Variants in SGCA observed in about 807,000 individuals in gnomAD.
The protein encoded by SGCA is alpha-sarcoglycan.
Under a neutral mutation model 38.1 loss-of-function variants are expected in SGCA, and 34 were observed. The observed-to-expected ratio is 0.89, with a 90% confidence interval of 0.68 to 1.19. The LOEUF is 1.19. Among genes scored for constraint, SGCA ranks in the 50% most tolerant of loss-of-function variants. The pLI is 0.00. For synonymous variants in SGCA, 209 were observed against 214.6 expected (o/e 0.97, Z 0.23); for missense variants, 476 against 524.9 (o/e 0.91, Z 0.91).
At chr17:50,173,829 G>A (rs576605518) in intron 8 of SGCA, among the ~76,000 whole-genome samples, 31 of 152,290 alleles carry the variant, frequency 2.0e-4, no homozygotes, top group African/African-American at 7.0e-4. Context: ...TGGCCTCCCC[G>A]CAGGAGGAGC....
rs1373671710 is a variant in SGCA, at chr17:50,167,693, A to G, written c.269A>G (p.Tyr90Cys). The G allele has an allele frequency of 9.3e-6, 15 of 1,613,406 alleles. No individual in the cohort carries two copies. The highest frequency in any genetic ancestry group is 1.1e-5 in the Non-Finnish European group (13 of 1,179,600). The change falls in exon 3 of 10, where the codon TAC becomes TGC. Residue 90 changes from tyrosine (Y) to cysteine (C), a missense_variant. Tyr to Cys is a radical substitution (Grantham distance 194, BLOSUM62 -2). Coordinates refer to ENST00000262018, the MANE Select transcript of SGCA (RefSeq NM_000023.4). The surrounding 1 kb of genome is among the most constrained non-coding windows in gnomAD (Gnocchi z 4.5). ...QRSPHHPGFLYGSATPEDRGL... is the reference protein window; with the variant it reads ...QRSPHHPGFLCGSATPEDRGL... ...AGCCCCCACCACCCTGGCTTCCTCT[A>G]CGGCTCTGCCACCCCAGAAGATCGT...
At position 50,167,425 on chromosome 17, in the gene SGCA, T is replaced by C. The variant is rs1017592342; in HGVS notation, c.95T>C (p.Val32Ala). 6.2e-7 allele frequency: 1 copy of C among 1,614,136 alleles called. No individual in the cohort carries two copies. Among genetic ancestry groups the C allele is most frequent in the East Asian group, 2.2e-5 (1 of 44,880 alleles). ...CAGCAGACCACGCTACACCCACTTG[T>C]GGGCCGTGTCTTTGTGCACACCTTG... ...EAQQTTLHPL[V>A]GRVFVHTLDH... The change falls in exon 2 of 10, where the codon GTG becomes GCG. Residue 32 changes from valine (V) to alanine (A), a missense_variant. Val to Ala is a moderately conservative substitution (Grantham distance 64). Transcript: ENST00000262018. The surrounding 1 kb of genome is among the most constrained non-coding windows in gnomAD (Gnocchi z 4.5).
At chr17:50,173,780 C>CCT (rs2144509125) in intron 8 of SGCA, among the ~76,000 whole-genome samples, 1 of 152,302 alleles carries the variant, frequency 6.6e-6, no homozygotes, top group South Asian at 2.1e-4. Context: ...TCATCTTGAC[C>CCT]CTCCCCTGGC....
At position 50,167,860 on chromosome 17, in the gene SGCA, T is replaced by A; in HGVS notation, c.313-87T>A. On this transcript the variant is annotated intron_variant, in intron 3 of 9. Transcript: ENST00000262018. This position sits in a 1 kb window ranked among gnomAD's most constrained non-coding sequence, Gnocchi z 4.5. ...TACATATAATTTACATACCTCTAAT[T>A]TGGTATCTGAGTCCTCTCCTGCCAG... 4 of 1,525,172 alleles carry A rather than the reference T, an allele frequency of 2.6e-6. No homozygotes were observed. The Middle Eastern group carries it at 5.1e-4, about 194-fold the overall frequency. The allele number at this position is 1,525,172 out of a possible 1,614,324, so 94.5% of individuals were successfully genotyped here.
chr17:50,170,745 A>G (rs1905317605), intron 8 of SGCA, 79 bp downstream of exon 8: 1 of 1,159,122 alleles, frequency 8.6e-7, no homozygotes, highest in Non-Finnish European at 1.3e-6. Context: ...TATGCCATGA[A>G]CAGCAGAGAC....
chr17:50,169,369 C>T, intron 6 of SGCA, 115 bp downstream of exon 6: 2 of 858,592 alleles, frequency 2.3e-6, no homozygotes, highest in East Asian at 5.3e-5. Context: ...GTCACCATTT[C>T]TTTCCCTGAT....
rs187436528 is a variant in SGCA, at chr17:50,167,181, C to T, written c.38-187C>T. Among the ~76,000 whole-genome samples, 15 of 152,240 alleles carry T rather than the reference C, an allele frequency of 9.9e-5. No individual in the cohort carries two copies. In the East Asian group the frequency reaches 1.7e-3, roughly 18 times the overall value. The stretch of plus-strand genomic sequence containing the variant: ...TCTCCCTCGAATCCCGAAACCCAGA[C>T]GATTAAAATGTCTAGCCCAGCAGGG... On this transcript the variant is annotated intron_variant, in intron 1 of 9. Coordinates refer to ENST00000262018, the MANE Select transcript of SGCA (RefSeq NM_000023.4). This position sits in a 1 kb window ranked among gnomAD's most constrained non-coding sequence, Gnocchi z 4.5.
At chr17:50,174,565 T>G (rs1370507060) in intron 8 of SGCA, among the ~76,000 whole-genome samples, 1 of 152,138 alleles carries the variant, frequency 6.6e-6, no homozygotes, top group East Asian at 1.9e-4. Context: ...CAGGCTGGCC[T>G]TGAACTCTTG....
In SGCA at chr17:50,167,644, C is replaced by T. The variant is rs757888349; in HGVS notation, c.220C>T (p.Arg74Trp). 8 of 1,613,786 alleles carry T rather than the reference C, an allele frequency of 5.0e-6. No homozygotes were observed. The highest frequency in any genetic ancestry group is 4.5e-5 in the East Asian group (2 of 44,896). Residue 74 changes from arginine to tryptophan, a missense_variant, in exon 3 of 10, where the codon CGG becomes TGG. Coordinates refer to ENST00000262018, the MANE Select transcript of SGCA (RefSeq NM_000023.4). This position sits in a 1 kb window ranked among gnomAD's most constrained non-coding sequence, Gnocchi z 4.5. ...AHLQGHPDLP[R>W]WLRYTQRSPH... ...CCTCCAGGGACACCCAGACCTGCCC[C>T]GGTGGCTCCGCTACACCCAGCGCAG... is the stretch of plus-strand genomic sequence containing the variant.
In SGCA at chr17:50,170,293, G is replaced by A. The variant is rs1392323441; in HGVS notation, c.898G>A (p.Val300Met). Reference sequence around the variant, plus strand: ...GGTCACCCTCCTGGTGCCCCTGCTGGTGGCCCTGCTTCTCACCTTGCTGCT... The same window carrying A: ...GGTCACCCTCCTGGTGCCCCTGCTGATGGCCCTGCTTCTCACCTTGCTGCT... ...ALVTLLVPLL[V>M]ALLLTLLLAY... Residue 300 changes from valine to methionine, a missense_variant, in exon 7 of 10, where the codon GTG (valine) becomes ATG (methionine). Val to Met is a conservative substitution (Grantham distance 21). Coordinates refer to ENST00000262018, the MANE Select transcript of SGCA (RefSeq NM_000023.4). The A allele has an allele frequency of 4.3e-6, 7 of 1,614,204 alleles. No individual in the cohort carries two copies. The highest frequency in any genetic ancestry group is 5.9e-6 in the Non-Finnish European group (7 of 1,180,022).
At chr17:50,174,238 T>C (rs1905735211) in intron 8 of SGCA, among the ~76,000 whole-genome samples, 1 of 152,156 alleles carries the variant, frequency 6.6e-6, no homozygotes, top group Non-Finnish European at 1.5e-5. Context: ...GGAGTATCGC[T>C]TGAGCCCAGG....
At chr17:50,170,422 G>A in intron 7 of SGCA, 71 bp downstream of exon 7, 1 of 1,481,614 alleles carries the variant, frequency 6.7e-7, no homozygotes, top group South Asian at 1.2e-5. Context: ...AGTGGCACTT[G>A]TGCTGTATGG....
intron 8 of SGCA, among the ~76,000 whole-genome samples, chr17:50,174,066 C>T (rs1162221864): frequency 6.6e-6 from 1 of 152,152 alleles, no homozygotes; most frequent in Non-Finnish European, 1.5e-5. Flanking sequence ...TGCCTGTAAT[C>T]CCAGCACTTT....
Position 50,167,288 on chromosome 17 carries a change from G to T in SGCA, c.38-80G>T. The T allele has an allele frequency of 2.5e-6, 4 of 1,601,308 alleles. No individual in the cohort carries two copies. In the Admixed American group the frequency reaches 6.7e-5, roughly 27 times the overall value. Reference sequence around the variant, plus strand: ...CTCTCGGTCCCTTAGGGGCTCCAAGGACTTGGTGGGGAAGGGAGCTTATCC... The same window carrying T: ...CTCTCGGTCCCTTAGGGGCTCCAAGTACTTGGTGGGGAAGGGAGCTTATCC... On this transcript the variant is annotated intron_variant, in intron 1 of 9. Coordinates refer to ENST00000262018, the MANE Select transcript of SGCA (RefSeq NM_000023.4). This position sits in a 1 kb window ranked among gnomAD's most constrained non-coding sequence, Gnocchi z 4.5.
chr17:50,171,475 G>T (rs771425133), intron 8 of SGCA: 1 of 456,422 alleles, frequency 2.2e-6, no homozygotes, highest in Non-Finnish European at 4.4e-6. Context: ...AGCCAATGGC[G>T]GTCTTGGCAC....
At position 50,167,613 on chromosome 17, in the gene SGCA, C is replaced by T. The variant is rs373770886; in HGVS notation, c.189C>T (p.His63=). 77 of 1,613,750 alleles carry T rather than the reference C, an allele frequency of 4.8e-5. No individual in the cohort carries two copies. In the African/African-American group the frequency reaches 6.5e-4, roughly 14 times the overall value. The change falls in exon 3 of 10, where the codon CAC becomes CAT. Residue 63 remains histidine (H), a synonymous_variant. Coordinates refer to ENST00000262018, the MANE Select transcript of SGCA (RefSeq NM_000023.4). The surrounding 1 kb of genome is among the most constrained non-coding windows in gnomAD (Gnocchi z 4.5). Reference sequence around the variant, plus strand: ...CACCCGCTGTCCACATCACCTACCACGCCCACCTCCAGGGACACCCAGACC... The same window carrying T: ...CACCCGCTGTCCACATCACCTACCATGCCCACCTCCAGGGACACCCAGACC... ...AVPPAVHITY[H]AHLQGHPDLP... is the part of the protein sequence containing the mutation.
At chr17:50,166,572 G>A (rs1209834262) in intron 1 of SGCA, among the ~76,000 whole-genome samples, 2 of 151,844 alleles carry the variant, frequency 1.3e-5, no homozygotes, top group South Asian at 2.1e-4. Flanking sequence ...TTCCTCCTCT[G>A]TAGGCTCCTG....
intron 6 of SGCA, chr17:50,169,527 G>T: frequency 1.9e-6 from 1 of 515,568 alleles, no homozygotes; most frequent in East Asian, 3.4e-5. Context: ...CCGCGCCCCA[G>T]ATCTGCCCAG....
rs927157251 is a variant in SGCA, at chr17:50,171,806, G to A, written c.983+1140G>A. On this transcript the variant is annotated intron_variant, in intron 8 of 9. Coordinates refer to ENST00000262018, the MANE Select transcript of SGCA (RefSeq NM_000023.4). ...CATGTCGTAGCCCGTGGTGGAAACA[G>A]CCTTCTTCAGGGTGGCCAGGGACAC... is the stretch of plus-strand genomic sequence containing the variant. 3 of 456,650 alleles carry A rather than the reference G, an allele frequency of 6.6e-6. No individual in the cohort carries two copies. In the Admixed American group the frequency reaches 7.0e-5, roughly 11 times the overall value. 28.3% of individuals were successfully genotyped at this position (456,650 alleles called of 1,614,324 possible). A position where few individuals can be genotyped will look rare whatever the true frequency, so the allele number is the denominator to read the frequency against.
Sources: allele counts gnomAD v4.1 joint callset (sites outside exome capture counted in the v4.1 genomes callset), GRCh38; gene constraint gnomAD v4.1.1; non-coding constraint Gnocchi (gnomAD v3.1); transcripts MANE v1.5; gene names NCBI Gene and HGNC (gene_info 2026-07-23, HGNC 2026-07-21).